Variants in PTPRK observed in about 807,000 individuals in gnomAD.
PTPRK encodes the protein protein tyrosine phosphatase receptor type K, also known as receptor-type tyrosine-protein phosphatase kappa.
In PTPRK, 75 loss-of-function variants were observed where a neutral mutation model predicts 178.0. The observed-to-expected ratio is 0.42, with a 90% CI of 0.35 to 0.51. PTPRK has a LOEUF of 0.51. PTPRK is among the 20% of genes least tolerant of loss of function. PTPRK has a pLI of 0.02. For synonymous variants in PTPRK, 637 were observed against 620.6 expected, an observed-to-expected ratio of 1.03 and a Z score of -0.39; for missense variants, 1,441 against 1,797.8, an observed-to-expected ratio of 0.80 and a Z score of 3.59.
chr6:128,503,952 A>T (rs1183343367), intron 1 of PTPRK, among the ~76,000 whole-genome samples: 1 of 151,980 alleles, frequency 6.6e-6, no homozygotes, highest in Admixed American at 6.6e-5. Context: ...AATCCTGGAA[A>T]TGCACAAATC....
intron 7 of PTPRK, among the ~76,000 whole-genome samples, chr6:128,171,298 T>C (rs1398255837): frequency 1.3e-5 from 2 of 151,994 alleles, no homozygotes; most frequent in South Asian, 2.1e-4. Flanking sequence ...GTCAAAAAGA[T>C]TGAACCGCAC....
intron 1 of PTPRK, among the ~76,000 whole-genome samples, chr6:128,496,324 GTCC>G (rs892861058): frequency 6.6e-6 from 1 of 152,164 alleles, no homozygotes; most frequent in African/African-American, 2.4e-5. Context: ...ATGGGGGCTA[GTCC>G]TAAAACCCAG....
intron 11 of PTPRK, among the ~76,000 whole-genome samples, chr6:128,069,377 TAAG>T (rs2114950212): frequency 6.6e-6 from 1 of 152,296 alleles, no homozygotes; most frequent in East Asian, 1.9e-4. Flanking sequence ...GCTAAGCTTC[TAAG>T]AATGCTACTG....
intron 12 of PTPRK, among the ~76,000 whole-genome samples, chr6:128,065,593 C>A (rs967288464): frequency 3.9e-5 from 6 of 152,110 alleles, no homozygotes; most frequent in Non-Finnish European, 8.8e-5. Context: ...GATCTGTTTG[C>A]AAGATGCATT....
intron 5 of PTPRK, among the ~76,000 whole-genome samples, chr6:128,235,772 C>T (rs1198320290): frequency 1.3e-5 from 2 of 151,824 alleles, no homozygotes; most frequent in African/African-American, 4.8e-5. Context: ...CTAGGATAGC[C>T]CCAAGCAGAT....
At chr6:128,163,613 A>G (rs1031555471) in intron 7 of PTPRK, among the ~76,000 whole-genome samples, 2 of 151,504 alleles carry the variant, frequency 1.3e-5, no homozygotes, top group African/African-American at 2.4e-5. Flanking sequence ...TCCCTTTGGC[A>G]GTCTACTGAA....
At chr6:127,990,395 A>C (rs903819002) in intron 21 of PTPRK, among the ~76,000 whole-genome samples, 4 of 152,070 alleles carry the variant, frequency 2.6e-5, no homozygotes, top group Non-Finnish European at 4.4e-5. Context: ...TTTCTCAACA[A>C]TGAGTTTTTC....
At chr6:128,114,041 A>G (rs919605078) in intron 7 of PTPRK, among the ~76,000 whole-genome samples, 3 of 152,082 alleles carry the variant, frequency 2.0e-5, no homozygotes, top group Non-Finnish European at 4.4e-5. Flanking sequence ...TTGAAGAAAG[A>G]CCATTTGAGT....
At chr6:128,343,241 G>A (rs1036117437) in intron 2 of PTPRK, among the ~76,000 whole-genome samples, 7 of 151,954 alleles carry the variant, frequency 4.6e-5, no homozygotes, top group Admixed American at 6.6e-5. Flanking sequence ...AGTGGCTCAC[G>A]CCTGTCCCAG....
intron 15 of PTPRK, among the ~76,000 whole-genome samples, chr6:128,004,017 G>C (rs574818889): frequency 3.3e-5 from 5 of 151,824 alleles, no homozygotes; most frequent in African/African-American, 1.2e-4. Flanking sequence ...GAACAATTCA[G>C]AAAAAAACTT....
At chr6:128,076,183 C>G (rs907124165) in intron 11 of PTPRK, among the ~76,000 whole-genome samples, 1 of 151,862 alleles carries the variant, frequency 6.6e-6, no homozygotes, top group African/African-American at 2.4e-5. Flanking sequence ...TTTGAGATAC[C>G]AGACCATAAA....
chr6:128,499,022 A>G (rs923751721), intron 1 of PTPRK, among the ~76,000 whole-genome samples: 6 of 152,198 alleles, frequency 3.9e-5, no homozygotes, highest in Admixed American at 3.9e-4. Context: ...TTATTTACAT[A>G]GTGTTATTTT....
chr6:127,985,393 C>G (rs1383797823), intron 22 of PTPRK, among the ~76,000 whole-genome samples: 1 of 152,118 alleles, frequency 6.6e-6, no homozygotes, highest in Non-Finnish European at 1.5e-5. Context: ...CAAGAAATGT[C>G]TATTTCAACC....
chr6:128,320,087 A>G (rs1235661833), intron 3 of PTPRK, among the ~76,000 whole-genome samples: 1 of 152,158 alleles, frequency 6.6e-6, no homozygotes, highest in South Asian at 2.1e-4. Flanking sequence ...TTTCTCTGAC[A>G]AAACATCTCC....
At chr6:128,171,187 A>G (rs1457425611) in intron 7 of PTPRK, among the ~76,000 whole-genome samples, 1 of 152,046 alleles carries the variant, frequency 6.6e-6, no homozygotes, top group African/African-American at 2.4e-5. Flanking sequence ...TCTTCAATAC[A>G]GTGGATCCAA....
chr6:128,422,573 T>C (rs562991973), intron 1 of PTPRK, among the ~76,000 whole-genome samples: 5 of 151,744 alleles, frequency 3.3e-5, no homozygotes, highest in Non-Finnish European at 7.4e-5. Context: ...GTCTGATCTT[T>C]GTTTGTAATC....
At chr6:128,080,936 A>G (rs1047894724) in intron 10 of PTPRK, among the ~76,000 whole-genome samples, 1 of 152,068 alleles carries the variant, frequency 6.6e-6, no homozygotes, top group African/African-American at 2.4e-5. Context: ...AATTAAAAGA[A>G]AAAATCAGAT....
At chr6:128,384,802 C>A (rs1838463196) in intron 2 of PTPRK, among the ~76,000 whole-genome samples, 1 of 151,140 alleles carries the variant, frequency 6.6e-6, no homozygotes. Flanking sequence ...TATATTAATG[C>A]CAGACTGGAA....
chr6:128,201,206 C>T (rs1023894392), intron 6 of PTPRK, among the ~76,000 whole-genome samples: 2 of 152,100 alleles, frequency 1.3e-5, no homozygotes, highest in Admixed American at 6.6e-5. Flanking sequence ...GAAAACACTT[C>T]CAAAATTTTC....
Sources: gnomAD v4.1 joint callset for allele counts (sites outside exome capture counted in the v4.1 genomes callset) on GRCh38, gnomAD v4.1.1 for gene constraint, MANE v1.5 for transcripts, NCBI Gene and HGNC (gene_info 2026-07-23, HGNC 2026-07-21) for gene names.